The following ADCY1 variants were observed in gnomAD, a reference collection of about 807,000 sequenced individuals.
The protein encoded by ADCY1 is adenylate cyclase type 1.
In ADCY1, 28 loss-of-function variants were observed where a neutral mutation model predicts 105.4. That is an observed-to-expected ratio of 0.27 (90% CI 0.20 to 0.36). The LOEUF is 0.36. ADCY1 is among the 10% of genes least tolerant of loss of function. The pLI is 1.00. For missense variants in ADCY1, 977 were observed against 1,434.2 expected (o/e 0.68, Z 5.15); for synonymous variants, 655 against 623.8 (o/e 1.05, Z -0.75).
intron 8 of ADCY1, 139 bp from the exon 9 acceptor site, chr7:45,677,730 C>A: frequency 1.1e-6 from 1 of 883,018 alleles, no homozygotes; most frequent in Non-Finnish European, 1.7e-6. Context: ...ACCAGCAGGG[C>A]AGAGTCATGA....
chr7:45,599,031 C>T (rs948420430), intron 2 of ADCY1, among the ~76,000 whole-genome samples: 2 of 152,126 alleles, frequency 1.3e-5, no homozygotes, highest in African/African-American at 4.8e-5. Context: ...GTTCTAGGAG[C>T]GAGGGGCAGG....
chr7:45,683,306 C>A (rs907372598), intron 11 of ADCY1, among the ~76,000 whole-genome samples: 1 of 152,148 alleles, frequency 6.6e-6, no homozygotes, highest in Admixed American at 6.5e-5. Flanking sequence ...CCAGCCAAAC[C>A]GTTGTCCACA....
At chr7:45,661,190 G>A (rs1194194165) in intron 7 of ADCY1, among the ~76,000 whole-genome samples, 1 of 152,148 alleles carries the variant, frequency 6.6e-6, no homozygotes, top group Non-Finnish European at 1.5e-5. Flanking sequence ...CAGTCCTGTA[G>A]TTTGAGGGTG....
In ADCY1 at chr7:45,686,820, T is replaced by C; in HGVS notation, c.2454+147T>C. On this transcript the variant is annotated intron_variant, in intron 14 of 19. Coordinates refer to ENST00000297323, the MANE Select transcript of ADCY1 (RefSeq NM_021116.4). The surrounding 1 kb of genome is among the most constrained non-coding windows in gnomAD (Gnocchi z 4.3). ...CCTCAGCAGCATGCAAGCCAGGCAC[T>C]GTCCGGGGATGGAGGAGACCTATGC... is the stretch of plus-strand genomic sequence containing the variant. 8.1e-7 allele frequency: 1 copy of C among 1,233,352 alleles called. No homozygotes were observed. The highest frequency in any genetic ancestry group is 1.1e-6 in the Non-Finnish European group (1 of 916,060). The allele number at this position is 1,233,352 out of a possible 1,614,324, so 76.4% of individuals were successfully genotyped here. A position where few individuals can be genotyped will look rare whatever the true frequency, so the allele number is the denominator to read the frequency against.
At position 45,717,705 on chromosome 7, in the gene ADCY1, G is replaced by A. The variant is rs573467091; in HGVS notation, c.*3710G>A. The A allele has an allele frequency of 4.6e-5, 7 of 152,354 alleles. No individual in the cohort carries two copies. Among genetic ancestry groups the A allele is most frequent in the African/African-American group, 1.7e-4 (7 of 41,542 alleles). The allele number at this position is 152,354 out of a possible 1,614,324, so 9.4% of individuals were successfully genotyped here. ...ATGCCGTAGAGTAGAACACAGCCCC[G>A]GAATGCTTCCAGTTGCTTGCAAGGG... On this transcript the variant is annotated 3_prime_UTR_variant, in exon 20 of 20. Transcript: ENST00000297323.
chr7:45,652,726 G>A (rs762681057), intron 5 of ADCY1, among the ~76,000 whole-genome samples: 10 of 152,200 alleles, frequency 6.6e-5, no homozygotes, highest in Admixed American at 4.6e-4. Context: ...TGTGAATCAA[G>A]GTGGGGCTGA....
chr7:45,582,941 C>T (rs1792604489), intron 1 of ADCY1, among the ~76,000 whole-genome samples: 1 of 152,204 alleles, frequency 6.6e-6, no homozygotes, highest in East Asian at 1.9e-4. Context: ...TCCCATCTCC[C>T]TGGATTAAAG....
intron 14 of ADCY1, among the ~76,000 whole-genome samples, chr7:45,687,540 C>T (rs192408589): frequency 6.6e-6 from 1 of 152,326 alleles, no homozygotes; most frequent in East Asian, 1.9e-4. Flanking sequence ...AACTGTTTCA[C>T]CCTGGGAAAA....
At chr7:45,641,968 T>G (rs1794537891) in intron 4 of ADCY1, among the ~76,000 whole-genome samples, 1 of 149,912 alleles carries the variant, frequency 6.7e-6, no homozygotes, top group Admixed American at 6.7e-5. Flanking sequence ...CCTGGCTGAT[T>G]TGTTCCAACC....
chr7:45,686,213 T>G lies in ADCY1; in HGVS notation c.2325T>G (p.Thr775=). ...LVLELSGYTR[T]GGGAVSGRSY... ...TGGAGCTCAGCGGATACACCAGGAC[T>G]GGGTAAGTGTGTGGCTCCTCAAGAA... The change falls in exon 13 of 20, where the codon ACT becomes ACG. Residue 775 remains threonine, a splice_region_variant and synonymous_variant. Coordinates refer to ENST00000297323, the MANE Select transcript of ADCY1 (RefSeq NM_021116.4). This position sits in a 1 kb window ranked among gnomAD's most constrained non-coding sequence, Gnocchi z 4.3. The G allele has an allele frequency of 1.2e-6, 2 of 1,612,858 alleles. No individual in the cohort carries two copies. Among genetic ancestry groups the G allele is most frequent in the Non-Finnish European group, 1.7e-6 (2 of 1,179,268 alleles).
At chr7:45,614,445 A>G (rs575379801) in intron 3 of ADCY1, among the ~76,000 whole-genome samples, 1 of 152,236 alleles carries the variant, frequency 6.6e-6, no homozygotes. Flanking sequence ...AAACATTAAC[A>G]TAACACAAAG....
At chr7:45,676,479 T>G (rs1784458243) in intron 8 of ADCY1, among the ~76,000 whole-genome samples, 1 of 152,164 alleles carries the variant, frequency 6.6e-6, no homozygotes, top group Admixed American at 6.5e-5. Context: ...TGGATCCTAC[T>G]GAAATTTTTT....
chr7:45,640,137 G>C (rs1416404617), intron 4 of ADCY1, among the ~76,000 whole-genome samples: 4 of 152,194 alleles, frequency 2.6e-5, no homozygotes, highest in African/African-American at 7.2e-5. Flanking sequence ...GAACATTCAT[G>C]GCTTTATGGT....
chr7:45,587,417 G>A (rs991352124), intron 1 of ADCY1, among the ~76,000 whole-genome samples: 2 of 152,204 alleles, frequency 1.3e-5, no homozygotes, highest in Admixed American at 1.3e-4. Context: ...CAGCCTGATT[G>A]TGGGTTGTGT....
At position 45,715,128 on chromosome 7, in the gene ADCY1, C is replaced by T. The variant is rs948317997; in HGVS notation, c.*1133C>T. 1 of 152,188 alleles carries T rather than the reference C, an allele frequency of 6.6e-6. No homozygotes were observed. Among genetic ancestry groups the T allele is most frequent in the Non-Finnish European group, 1.5e-5 (1 of 68,036 alleles). 9.4% of individuals were successfully genotyped at this position (152,188 alleles called of 1,614,324 possible). ...TTGACGTCTGACGTCTGACAACCTC[C>T]TATGTGCATGTCTAAATAGTCACAA... On this transcript the variant is annotated 3_prime_UTR_variant, in exon 20 of 20. Transcript: ENST00000297323.
intron 1 of ADCY1, among the ~76,000 whole-genome samples, chr7:45,583,380 C>T (rs1792620259): frequency 6.6e-6 from 1 of 152,220 alleles, no homozygotes; most frequent in African/African-American, 2.4e-5. Flanking sequence ...GAGCCCTGCA[C>T]TACAGCCTCT....
At chr7:45,574,249 G>C, upstream of ADCY1, 1 of 650,642 alleles carries the variant, frequency 1.5e-6, no homozygotes, top group Non-Finnish European at 1.9e-6. The surrounding 1 kb of genome is among the most constrained non-coding windows in gnomAD (Gnocchi z 7.0). Context: ...GTTGGGGCGC[G>C]GGCTGTGCGC....
intron 2 of ADCY1, among the ~76,000 whole-genome samples, chr7:45,599,157 C>G (rs1239613310): frequency 6.6e-6 from 1 of 152,142 alleles, no homozygotes; most frequent in Non-Finnish European, 1.5e-5. Flanking sequence ...GCATCAGAGG[C>G]TCTAGAATGC....
chr7:45,614,479 C>CTATT (rs539463099), intron 3 of ADCY1, among the ~76,000 whole-genome samples: 439 of 152,142 alleles, frequency 2.9e-3, no homozygotes, highest in African/African-American at 0.01. Context: ...GAGGAAAACA[C>CTATT]AAATAAAGAA....
Sources: allele counts gnomAD v4.1 joint callset (sites outside exome capture counted in the v4.1 genomes callset), GRCh38; gene constraint gnomAD v4.1.1; non-coding constraint Gnocchi (gnomAD v3.1); transcripts MANE v1.5; gene names NCBI Gene and HGNC (gene_info 2026-07-23, HGNC 2026-07-21).